The following NDFIP2 variants were observed in gnomAD, a reference collection of about 807,000 sequenced individuals.
NDFIP2 encodes the protein NEDD4 family-interacting protein 2.
NDFIP2 carries 19 observed loss-of-function variants against 36.0 expected under a neutral mutation model. The observed-to-expected ratio is 0.53, with a 90% CI of 0.37 to 0.77. NDFIP2 has a LOEUF of 0.77. NDFIP2 is among the 30% of genes least tolerant of loss of function. The pLI, the probability that NDFIP2 is intolerant of heterozygous loss-of-function variation, is 0.00. For synonymous variants in NDFIP2, 181 were observed against 167.7 expected, an observed-to-expected ratio of 1.08 and a Z score of -0.61; for missense variants, 446 against 435.8, an observed-to-expected ratio of 1.02 and a Z score of -0.21.
At chr13:79,508,102 A>G (rs1873940368) in intron 1 of NDFIP2, among the ~76,000 whole-genome samples, 1 of 152,222 alleles carries the variant, frequency 6.6e-6, no homozygotes, top group South Asian at 2.1e-4. Context: ...TGGTTAATAC[A>G]GATCTAATTA....
chr13:79,518,734 A>G (rs562547350), intron 1 of NDFIP2, among the ~76,000 whole-genome samples: 1 of 152,348 alleles, frequency 6.6e-6, no homozygotes, highest in Admixed American at 6.5e-5. Context: ...GGTGAACACT[A>G]AGACATGGAG....
At chr13:79,552,353 CTA>C (rs1353162324) in intron 7 of NDFIP2, among the ~76,000 whole-genome samples, 161 bp from the exon 8 acceptor site, 2 of 151,356 alleles carry the variant, frequency 1.3e-5, no homozygotes, top group Admixed American at 6.6e-5. Flanking sequence ...TGAAAATCTG[CTA>C]TAGAAGCCTT....
chr13:79,554,016 T>A lies in NDFIP2; in HGVS notation c.*1503T>A, dbSNP rs1296739624. The A allele has an allele frequency of 6.6e-6, 1 of 151,710 alleles. No individual in the cohort carries two copies. Among genetic ancestry groups the A allele is most frequent in the Non-Finnish European group, 1.5e-5 (1 of 67,636 alleles). 9.4% of individuals were successfully genotyped at this position (151,710 alleles called of 1,614,324 possible). A position where few individuals can be genotyped will look rare whatever the true frequency, so the allele number is the denominator to read the frequency against. ...CATTTCCAAAAAATAAAATTTATTA[T>A]GCTTTATAACCTCTTCTGTATTTTC... On this transcript the variant is annotated 3_prime_UTR_variant, in exon 8 of 8. Transcript: ENST00000218652.
chr13:79,525,445 G>A (rs1874755943), intron 2 of NDFIP2, among the ~76,000 whole-genome samples: 1 of 152,076 alleles, frequency 6.6e-6, no homozygotes, highest in Non-Finnish European at 1.5e-5. Flanking sequence ...ATTAAGGCAA[G>A]AACTTTCACT....
chr13:79,535,776 C>T (rs1232707135), intron 3 of NDFIP2, among the ~76,000 whole-genome samples: 2 of 148,198 alleles, frequency 1.3e-5, no homozygotes, highest in African/African-American at 2.6e-5. Context: ...AGATTTTAAG[C>T]GTTCTTGCAC....
In NDFIP2 at chr13:79,512,702, G is replaced by A. The variant is rs942252579; in HGVS notation, c.322-8108G>A. On this transcript the variant is annotated intron_variant, in intron 1 of 7. Transcript: ENST00000218652. ...AACCCTTTTTTTTGGTCACATCCCA[G>A]TCTTCTTGGTTCTGAGGGGAGGATT... Among the ~76,000 whole-genome samples, 32 of 152,148 alleles carry A rather than the reference G, an allele frequency of 2.1e-4. 1 individual carries two copies. Among genetic ancestry groups the A allele is most frequent in the Admixed American group, 5.9e-4 (9 of 15,278 alleles).
At chr13:79,498,265 T>C in intron 1 of NDFIP2, among the ~76,000 whole-genome samples, 1 of 151,986 alleles carries the variant, frequency 6.6e-6, no homozygotes, top group East Asian at 1.9e-4. Context: ...AGTTTTTACA[T>C]TTTTACTAGG....
chr13:79,483,710 A>G (rs1474084341), intron 1 of NDFIP2, among the ~76,000 whole-genome samples: 2 of 152,230 alleles, frequency 1.3e-5, no homozygotes, highest in Admixed American at 6.5e-5. Flanking sequence ...AGAAGGACTT[A>G]CTACCATTAG....
intron 1 of NDFIP2, among the ~76,000 whole-genome samples, chr13:79,505,758 C>A: frequency 6.6e-6 from 1 of 151,042 alleles, no homozygotes; most frequent in African/African-American, 2.4e-5. Context: ...AGCAAAAGGG[C>A]ACTATGAGGA....
intron 6 of NDFIP2, among the ~76,000 whole-genome samples, 178 bp downstream of exon 6, chr13:79,548,572 TA>T (rs1286729863): frequency 6.6e-6 from 1 of 152,092 alleles, no homozygotes; most frequent in Non-Finnish European, 1.5e-5. Flanking sequence ...TTCTTAGATT[TA>T]AAATCCAGAG....
At chr13:79,538,211 T>G (rs537508727) in intron 3 of NDFIP2, among the ~76,000 whole-genome samples, 3 of 152,132 alleles carry the variant, frequency 2.0e-5, no homozygotes, top group African/African-American at 7.2e-5. Flanking sequence ...TCTCCAACAG[T>G]TGAGGATTAC....
At chr13:79,492,329 G>A (rs1049793104) in intron 1 of NDFIP2, among the ~76,000 whole-genome samples, 7 of 150,524 alleles carry the variant, frequency 4.7e-5, no homozygotes, top group South Asian at 2.1e-4. Flanking sequence ...TCCTCACCTC[G>A]GGAGAGCTTT....
At chr13:79,525,834 G>A (rs1225101797) in intron 2 of NDFIP2, among the ~76,000 whole-genome samples, 4 of 152,188 alleles carry the variant, frequency 2.6e-5, no homozygotes, top group African/African-American at 7.2e-5. Context: ...AAGCAAAACC[G>A]TGCATAAGGC....
chr13:79,532,110 G>A lies in NDFIP2; in HGVS notation c.488-1213G>A, dbSNP rs139109660. ...AATTACAATAGTGACATCAAAGATC[G>A]CTAATCACAGATCACCATAAAAGAT... On this transcript the variant is annotated intron_variant, in intron 2 of 7. Coordinates refer to ENST00000218652, the MANE Select transcript of NDFIP2 (RefSeq NM_019080.3). 5.4e-4 allele frequency among the ~76,000 whole-genome samples: 82 copies of A among 152,262 alleles called. 1 individual carries two copies. Among genetic ancestry groups the A allele is most frequent in the Admixed American group, 1.3e-3 (20 of 15,292 alleles).
intron 3 of NDFIP2, among the ~76,000 whole-genome samples, chr13:79,537,303 G>C (rs1468605942): frequency 6.6e-6 from 1 of 152,010 alleles, no homozygotes; most frequent in Admixed American, 6.6e-5. Context: ...GTAGAGATGG[G>C]TTTCGCCATG....
intron 3 of NDFIP2, 92 bp downstream of exon 3, chr13:79,533,548 G>A (rs752205705): frequency 3.3e-6 from 4 of 1,218,274 alleles, no homozygotes; most frequent in Non-Finnish European, 2.2e-6. Flanking sequence ...TTGTGTGTAA[G>A]TGTGTATGTA....
chr13:79,555,037 C>T lies in NDFIP2; in HGVS notation c.*2524C>T, dbSNP rs1292902160. 6.6e-6 allele frequency: 1 copy of T among 151,604 alleles called. No individual in the cohort carries two copies. Among genetic ancestry groups the T allele is most frequent in the Non-Finnish European group, 1.5e-5 (1 of 67,772 alleles). 9.4% of individuals were successfully genotyped at this position (151,604 alleles called of 1,614,324 possible). ...CATTTGGTTAAAATGAAAATCTCTG[C>T]TTAATGGAAAAAATACTAATCTTTA... is the stretch of plus-strand genomic sequence containing the variant. On this transcript the variant is annotated 3_prime_UTR_variant, in exon 8 of 8. Coordinates refer to ENST00000218652, the MANE Select transcript of NDFIP2 (RefSeq NM_019080.3).
intron 2 of NDFIP2, among the ~76,000 whole-genome samples, chr13:79,532,253 G>T (rs1353466230): frequency 6.6e-6 from 1 of 152,186 alleles, no homozygotes; most frequent in Admixed American, 6.5e-5. Context: ...TGGAATTGCC[G>T]CCGCAAACCT....
intron 1 of NDFIP2, among the ~76,000 whole-genome samples, chr13:79,509,519 G>A (rs1873994121): frequency 6.6e-6 from 1 of 152,030 alleles, no homozygotes; most frequent in Non-Finnish European, 1.5e-5. Context: ...CAGCCTTAAG[G>A]TCTGTTTTGA....
Sources: allele counts gnomAD v4.1 joint callset (sites outside exome capture counted in the v4.1 genomes callset), GRCh38; gene constraint gnomAD v4.1.1; transcripts MANE v1.5; gene names NCBI Gene and HGNC (gene_info 2026-07-23, HGNC 2026-07-21).